Variants in GLI2 observed in about 807,000 individuals in gnomAD.
GLI2 encodes GLI family zinc finger 2, also known as transcription activator GLI2.
A neutral mutation model predicts 78.9 loss-of-function variants in GLI2; 22 were observed. The observed-to-expected ratio is 0.28, with a 90% CI of 0.20 to 0.40. GLI2 has a LOEUF of 0.40. Among genes scored for constraint, GLI2 ranks in the 10% least tolerant of loss-of-function variants. The probability of loss-of-function intolerance (pLI) is 1.00; values close to 1 mark genes in which losing one functional copy is unlikely to be tolerated. For missense variants in GLI2, 2,097 were observed against 2,213.2 expected (o/e 0.95, Z 1.05); for synonymous variants, 974 against 963.7 (o/e 1.01, Z -0.20).
chr2:120,990,531 G>A lies in GLI2; in HGVS notation c.4566G>A (p.Gln1522=), dbSNP rs201962922. ...LSPSLLHSLS[Q]NSSRLTTPRN... ...CCAGCCTCCTCCACAGCCTCTCCCA[G>A]AACTCCTCCCGCCTCACCACCCCCC... Residue 1522 remains glutamine (Q), a synonymous_variant, in exon 14 of 14, where the codon CAG becomes CAA. Coordinates refer to ENST00000361492, the MANE Select transcript of GLI2 (RefSeq NM_001374353.1). 1.9e-6 allele frequency: 3 copies of A among 1,614,018 alleles called. No individual in the cohort carries two copies. The African/African-American group carries it at 4.0e-5, about 22-fold the overall frequency.
chr2:120,862,560 G>A (rs1362530544), intron 2 of GLI2, among the ~76,000 whole-genome samples: 1 of 152,200 alleles, frequency 6.6e-6, no homozygotes, highest in Non-Finnish European at 1.5e-5. Context: ...CAAGAGCTGT[G>A]GGAGCCGGAG....
intron 3 of GLI2, among the ~76,000 whole-genome samples, chr2:120,943,145 C>T (rs1056202410): frequency 3.9e-5 from 6 of 152,182 alleles, no homozygotes; most frequent in Non-Finnish European, 7.3e-5. Flanking sequence ...CTGAGATGGA[C>T]GTGCTCAGGT....
At chr2:120,952,929 C>G (rs1681067654) in intron 4 of GLI2, among the ~76,000 whole-genome samples, 2 of 152,246 alleles carry the variant, frequency 1.3e-5, no homozygotes, top group Admixed American at 1.3e-4. Flanking sequence ...CTGGCTCACA[C>G]TAACACTGTC....
chr2:120,893,891 T>C (rs1350180638), intron 2 of GLI2, among the ~76,000 whole-genome samples: 1 of 152,126 alleles, frequency 6.6e-6, no homozygotes, highest in Non-Finnish European at 1.5e-5. Context: ...CTGTTTATTT[T>C]GCATAAACCC....
At chr2:120,844,282 G>A (rs1687014145) in intron 2 of GLI2, among the ~76,000 whole-genome samples, 1 of 152,236 alleles carries the variant, frequency 6.6e-6, no homozygotes, top group African/African-American at 2.4e-5. Flanking sequence ...GAGCAGGGCT[G>A]TGTCCCAGTG....
chr2:120,974,622 G>A lies in GLI2; in HGVS notation c.1183-353G>A, dbSNP rs543715953. The stretch of plus-strand genomic sequence containing the variant: ...ATCGTACAAGAATGCAGATGCCCAT[G>A]CGTTAGGGCTGTGGCAGGGAAAACT... On this transcript the variant is annotated intron_variant, in intron 8 of 13. Coordinates refer to ENST00000361492, the MANE Select transcript of GLI2 (RefSeq NM_001374353.1). 3.9e-5 allele frequency among the ~76,000 whole-genome samples: 6 copies of A among 152,354 alleles called. No homozygotes were observed. In the South Asian group the frequency reaches 1.2e-3, roughly 32 times the overall value.
intron 2 of GLI2, among the ~76,000 whole-genome samples, chr2:120,919,632 C>T (rs1296047863): frequency 1.3e-5 from 2 of 152,254 alleles, no homozygotes; most frequent in African/African-American, 4.8e-5. Flanking sequence ...CACGTGGCTC[C>T]AGCACTGTCC....
Position 120,984,738 on chromosome 2 carries a change from T to C in GLI2, c.1900T>C (p.Ser634Pro), listed in dbSNP as rs1682889063. 2 of 1,612,136 alleles carry C rather than the reference T, an allele frequency of 1.2e-6. No homozygotes were observed. Among genetic ancestry groups the C allele is most frequent in the African/African-American group, 2.7e-5 (2 of 74,846 alleles). Reference sequence around the variant, plus strand: ...CGTCAGAGCCATCAAGACCGAGAGCTCCGGGGTAAGCGGAGCTGGGCAGCC... The same window carrying C: ...CGTCAGAGCCATCAAGACCGAGAGCCCCGGGGTAAGCGGAGCTGGGCAGCC... ...LHVRAIKTES[S>P]GLCQSSPGAQ... The change falls in exon 12 of 14, where the codon TCC becomes CCC. Residue 634 changes from serine to proline, a missense_variant. Coordinates refer to ENST00000361492, the MANE Select transcript of GLI2 (RefSeq NM_001374353.1).
chr2:120,832,222 C>T (rs1021873948), intron 2 of GLI2, among the ~76,000 whole-genome samples: 5 of 152,228 alleles, frequency 3.3e-5, no homozygotes, highest in African/African-American at 1.2e-4. Context: ...CCCCTGGCTG[C>T]CCCTGGCAAG....
chr2:120,948,539 C>G (rs1680826241), intron 3 of GLI2, among the ~76,000 whole-genome samples: 1 of 152,228 alleles, frequency 6.6e-6, no homozygotes, highest in Non-Finnish European at 1.5e-5. Flanking sequence ...CCAGGCCCAG[C>G]TGCCTCCATG....
At chr2:120,893,854 C>G (rs528700548) in intron 2 of GLI2, among the ~76,000 whole-genome samples, 36 of 152,212 alleles carry the variant, frequency 2.4e-4, no homozygotes, top group African/African-American at 8.4e-4. Flanking sequence ...CCTTTGTGGA[C>G]CTGGTCTGGG....
chr2:120,883,778 A>AC (rs1350001245), intron 2 of GLI2, among the ~76,000 whole-genome samples: 1 of 152,198 alleles, frequency 6.6e-6, no homozygotes, highest in Non-Finnish European at 1.5e-5. Flanking sequence ...GATGAGGGAT[A>AC]CTTGCAATGA....
rs138172444 is a variant in GLI2, at chr2:120,945,392, C to T, written c.255-5851C>T. On this transcript the variant is annotated intron_variant, in intron 3 of 13. Transcript: ENST00000361492. ...CATGCCCAGACACAGAAGGACATGC[C>T]CAGCTGCACCCTCCAGCCTCGGCCA... Among the ~76,000 whole-genome samples, 143 of 152,296 alleles carry T rather than the reference C, an allele frequency of 9.4e-4. No homozygotes were observed. In the East Asian group the frequency reaches 0.022, roughly 24 times the overall value.
chr2:120,991,398 T>G lies in GLI2; in HGVS notation c.*723T>G, dbSNP rs559639045. The G allele has an allele frequency of 1.6e-4, 24 of 152,724 alleles. No homozygotes were observed. Among genetic ancestry groups the G allele is most frequent in the African/African-American group, 5.8e-4 (24 of 41,540 alleles). 9.5% of individuals were successfully genotyped at this position (152,724 alleles called of 1,614,324 possible). The stretch of plus-strand genomic sequence containing the variant: ...ATCACCAGAAAAAGGAAAGAAAAAA[T>G]GTACTCCTTGGGGCAAGCCCAGAAG... On this transcript the variant is annotated 3_prime_UTR_variant, in exon 14 of 14. Transcript: ENST00000361492.
intron 1 of GLI2, chr2:120,792,517 G>A (rs1250956706): frequency 6.6e-6 from 1 of 152,270 alleles, no homozygotes; most frequent in Non-Finnish European, 1.5e-5. Context: ...ACTCATGCCA[G>A]TGGCAGCCTG....
At position 120,920,301 on chromosome 2, in the gene GLI2, C is replaced by T. The variant is rs556254157; in HGVS notation, c.149-7060C>T. ...GGGCAGTGCCTCTGCGTTGTGGCAACACATGACTTCATCCGAGGAGAATTC... is the reference window on the plus strand; with the variant it reads ...GGGCAGTGCCTCTGCGTTGTGGCAATACATGACTTCATCCGAGGAGAATTC... On this transcript the variant is annotated intron_variant, in intron 2 of 13. Coordinates refer to ENST00000361492, the MANE Select transcript of GLI2 (RefSeq NM_001374353.1). 1.2e-4 allele frequency among the ~76,000 whole-genome samples: 19 copies of T among 152,384 alleles called. No individual in the cohort carries two copies. The South Asian group carries it at 3.5e-3, about 28-fold the overall frequency.
At chr2:120,794,224 T>A (rs1684280527) in intron 1 of GLI2, among the ~76,000 whole-genome samples, 1 of 152,106 alleles carries the variant, frequency 6.6e-6, no homozygotes. Flanking sequence ...CTGAGTGGCA[T>A]CTTGAGAGTA....
At chr2:120,927,103 G>A (rs1679716712) in intron 2 of GLI2, among the ~76,000 whole-genome samples, 1 of 152,230 alleles carries the variant, frequency 6.6e-6, no homozygotes, top group Admixed American at 6.5e-5. Flanking sequence ...ATCTCCCCGA[G>A]TTCAAAGAGT....
chr2:120,935,101 C>G (rs1680131321), intron 3 of GLI2, among the ~76,000 whole-genome samples: 1 of 152,222 alleles, frequency 6.6e-6, no homozygotes, highest in Non-Finnish European at 1.5e-5. Context: ...GAAGAACCTT[C>G]TCCTCCCTCT....
Sources: allele counts gnomAD v4.1 joint callset (sites outside exome capture counted in the v4.1 genomes callset), GRCh38; gene constraint gnomAD v4.1.1; transcripts MANE v1.5; gene names NCBI Gene and HGNC (gene_info 2026-07-23, HGNC 2026-07-21).